TUBGCP3: variants seen among roughly 807,000 people sequenced by gnomAD.
TUBGCP3 encodes tubulin gamma complex component 3, also known as gamma-tubulin complex component 3.
In TUBGCP3, 50 loss-of-function variants were observed where a neutral mutation model predicts 123.1. That is an observed-to-expected ratio of 0.41 (90% CI 0.32 to 0.51). The LOEUF is 0.51. TUBGCP3 is among the 20% of genes least tolerant of loss of function. The pLI is 0.36. For missense variants in TUBGCP3, 882 were observed against 1,127.0 expected, an observed-to-expected ratio of 0.78 and a Z score of 3.11; for synonymous variants, 405 against 413.9, an observed-to-expected ratio of 0.98 and a Z score of 0.26.
chr13:112,573,047 C>T (rs1881539070), intron 1 of TUBGCP3, among the ~76,000 whole-genome samples: 1 of 151,570 alleles, frequency 6.6e-6, no homozygotes, highest in African/African-American at 2.4e-5. Context: ...GAACAGGTAT[C>T]GCCAGATACC....
At position 112,537,995 on chromosome 13, in the gene TUBGCP3, T is replaced by C. The variant is rs568991453; in HGVS notation, c.1335+7704A>G. Among the ~76,000 whole-genome samples, 4 of 152,236 alleles carry C rather than the reference T, an allele frequency of 2.6e-5. No individual in the cohort carries two copies. The South Asian group carries it at 6.2e-4, about 24-fold the overall frequency. ...ATCATCATGGTTTTGCTTTCCGCCT[T>C]TTGAATGTATTCTCCCCCACCTTGT... On this transcript the variant is annotated intron_variant, in intron 11 of 21. Transcript: ENST00000261965.
At chr13:112,559,006 T>C (rs1324545536) in intron 4 of TUBGCP3, among the ~76,000 whole-genome samples, 1 of 152,226 alleles carries the variant, frequency 6.6e-6, no homozygotes, top group Non-Finnish European at 1.5e-5. Flanking sequence ...AAGGGTCTTC[T>C]AGTTCATAAA....
At chr13:112,499,842 A>G (rs916080287) in intron 19 of TUBGCP3, among the ~76,000 whole-genome samples, 10 of 152,230 alleles carry the variant, frequency 6.6e-5, no homozygotes. Flanking sequence ...ACTGTACCTC[A>G]TTAATCTTTC....
chr13:112,544,069 C>T (rs757616906), intron 11 of TUBGCP3, among the ~76,000 whole-genome samples: 17 of 152,130 alleles, frequency 1.1e-4, no homozygotes, highest in African/African-American at 2.7e-4. Context: ...TTGACAAGGA[C>T]GCGGGAATGA....
At chr13:112,600,990 C>G in the TUBGCP3 span, among the ~76,000 whole-genome samples, 1 of 151,982 alleles carries the variant, frequency 6.6e-6, no homozygotes. Flanking sequence ...GGGTTCAAGA[C>G]CAGCCTGGCC....
intron 11 of TUBGCP3, among the ~76,000 whole-genome samples, chr13:112,544,322 G>C (rs1339987304): frequency 6.6e-6 from 1 of 151,812 alleles, no homozygotes; most frequent in African/African-American, 2.4e-5. Flanking sequence ...CATGGTGGCG[G>C]GCACCTGTAG....
chr13:112,491,498 C>G (rs1220424331), intron 20 of TUBGCP3, among the ~76,000 whole-genome samples: 1 of 152,196 alleles, frequency 6.6e-6, no homozygotes, highest in Non-Finnish European at 1.5e-5. Context: ...GCCCTTCCTG[C>G]CATGTTTACT....
intron 17 of TUBGCP3, among the ~76,000 whole-genome samples, chr13:112,512,331 G>T (rs1881723026): frequency 6.6e-6 from 1 of 151,070 alleles, no homozygotes; most frequent in Non-Finnish European, 1.5e-5. Flanking sequence ...AGGAGGCTGA[G>T]GAATGAGAAT....
intron 19 of TUBGCP3, among the ~76,000 whole-genome samples, chr13:112,503,502 T>C (rs1277604480): frequency 6.6e-6 from 1 of 152,072 alleles, no homozygotes; most frequent in African/African-American, 2.4e-5. Flanking sequence ...CCCAAGTAGC[T>C]GGGATTACAG....
intron 20 of TUBGCP3, among the ~76,000 whole-genome samples, chr13:112,495,418 C>T (rs892043651): frequency 1.3e-5 from 2 of 152,090 alleles, no homozygotes; most frequent in Admixed American, 6.6e-5. Context: ...ATATTTCACC[C>T]CCAAGAATGA....
intron 17 of TUBGCP3, among the ~76,000 whole-genome samples, chr13:112,505,370 G>A (rs1163484757): frequency 6.6e-6 from 1 of 152,232 alleles, no homozygotes; most frequent in African/African-American, 2.4e-5. Context: ...TCAGTGAGGT[G>A]ATTACAAAAA....
At chr13:112,575,665 G>A (rs1039342809) in intron 1 of TUBGCP3, among the ~76,000 whole-genome samples, 7 of 152,260 alleles carry the variant, frequency 4.6e-5, no homozygotes, top group Non-Finnish European at 5.9e-5. Context: ...TCAAATGCAC[G>A]TGGAACATTC....
intron 11 of TUBGCP3, among the ~76,000 whole-genome samples, chr13:112,538,317 C>T (rs1427328968): frequency 6.6e-6 from 1 of 152,184 alleles, no homozygotes. Context: ...ATCCAGACTC[C>T]AAAACTTCCG....
At chr13:112,507,738 C>T (rs965180260) in intron 17 of TUBGCP3, among the ~76,000 whole-genome samples, 1 of 152,102 alleles carries the variant, frequency 6.6e-6, no homozygotes, top group Non-Finnish European at 1.5e-5. Flanking sequence ...TTTCATGGCA[C>T]GAATATGCTT....
At chr13:112,546,069 T>C in intron 10 of TUBGCP3, 2 of 528,742 alleles carry the variant, frequency 3.8e-6, no homozygotes, top group Non-Finnish European at 6.7e-6. Context: ...ACCCTGGCTT[T>C]ACACAAGTGT....
At chr13:112,563,332 A>G (rs1271302709) in intron 3 of TUBGCP3, among the ~76,000 whole-genome samples, 1 of 152,242 alleles carries the variant, frequency 6.6e-6, no homozygotes, top group Non-Finnish European at 1.5e-5. Flanking sequence ...CATTTTTAGC[A>G]AAATGATGGA....
At chr13:112,553,987 A>T in intron 8 of TUBGCP3, 70 bp downstream of exon 8, 1 of 1,563,406 alleles carries the variant, frequency 6.4e-7, no homozygotes, top group Non-Finnish European at 8.6e-7. Flanking sequence ...ATTTCACAGT[A>T]AGATTTCAAC....
At chr13:112,536,359 T>C (rs576191009) in intron 11 of TUBGCP3, among the ~76,000 whole-genome samples, 9 of 152,346 alleles carry the variant, frequency 5.9e-5, no homozygotes, top group Admixed American at 1.3e-4. Context: ...ATATCAAACA[T>C]TGAAAGTGTG....
rs1250254978 is a variant in TUBGCP3 at position 112,517,826 on chromosome 13, G to A, written c.1950+1149C>T. Among the ~76,000 whole-genome samples, 4 of 152,224 alleles carry A rather than the reference G, an allele frequency of 2.6e-5. No individual in the cohort carries two copies. In the East Asian group the frequency reaches 7.7e-4, roughly 29 times the overall value. ...GAATCGCTTGAATCTCAGAGGTGAA[G>A]GTTGCAGTGACCCAAGATTGTACCA... On this transcript the variant is annotated intron_variant, in intron 16 of 21. Transcript: ENST00000261965.
Sources: gnomAD v4.1 joint callset for allele counts (sites outside exome capture counted in the v4.1 genomes callset) on GRCh38, gnomAD v4.1.1 for gene constraint, MANE v1.5 for transcripts, NCBI Gene and HGNC (gene_info 2026-07-23, HGNC 2026-07-21) for gene names.